The following NME9 variants were observed in gnomAD, a reference collection of about 807,000 sequenced individuals.
NME9 encodes the protein thioredoxin domain-containing protein 6.
A neutral mutation model predicts 44.4 loss-of-function variants in NME9; 48 were observed. The ratio of observed to expected loss-of-function variants is 1.08; its 90% CI spans 0.86 to 1.37. The LOEUF is 1.37. NME9 is among the 40% of genes most tolerant of loss of function. The probability of loss-of-function intolerance (pLI) is 0.00; values close to 1 mark genes in which losing one functional copy is unlikely to be tolerated. For synonymous variants in NME9, 139 were observed against 147.1 expected (o/e 0.94, Z 0.40); for missense variants, 325 against 405.2 (o/e 0.80, Z 1.70).
intron 6 of NME9, among the ~76,000 whole-genome samples, chr3:138,310,703 T>C (rs1021640404): frequency 2.0e-5 from 3 of 152,158 alleles, no homozygotes; most frequent in Non-Finnish European, 4.4e-5. Context: ...AAATTTTTAA[T>C]TTCTTGAAAC....
chr3:138,316,654 G>T (rs1011563164), intron 4 of NME9, among the ~76,000 whole-genome samples: 4 of 151,948 alleles, frequency 2.6e-5, no homozygotes, highest in Admixed American at 6.6e-5. Context: ...CACTCTTGTT[G>T]CCCAGGCTGG....
At chr3:138,285,062 C>T (rs539153282) in intron 8 of NME9, among the ~76,000 whole-genome samples, 87 of 152,322 alleles carry the variant, frequency 5.7e-4, no homozygotes, top group Non-Finnish European at 7.3e-5. Flanking sequence ...GAGGAAGCCT[C>T]CCCTTGTCAC....
rs1285145918 is a variant in NME9 at position 138,329,330 on chromosome 3, G to C, written c.6C>G (p.Gly2=). 1 of 1,535,982 alleles carries C rather than the reference G, an allele frequency of 6.5e-7. No individual in the cohort carries two copies. The highest frequency in any genetic ancestry group is 8.7e-7 in the Non-Finnish European group (1 of 1,146,906). The change falls in exon 1 of 11, where the codon GGC becomes GGG. Residue 2 remains glycine, a synonymous_variant. Transcript: ENST00000333911. ...GCAGGGCAATTTCCTTCTTCCTGCT[G>C]CCCATGGCTCTGCAAAGAAGACGAA... M[G]SRKKEIALQV...
Position 138,306,397 on chromosome 3 carries a change from C to A in NME9, c.543+1G>T, listed in dbSNP as rs774072461. 4 of 1,605,714 alleles carry A rather than the reference C, an allele frequency of 2.5e-6. No individual in the cohort carries two copies. The highest frequency in any genetic ancestry group is 3.4e-6 in the Non-Finnish European group (4 of 1,172,398). Reference sequence around the variant, plus strand: ...TGCATGGTAAGTGTTGTCTCTCTTACCTTCATGATAATCTCATCAGTCTTT... The same window carrying A: ...TGCATGGTAAGTGTTGTCTCTCTTAACTTCATGATAATCTCATCAGTCTTT... On this transcript the variant is annotated splice_donor_variant, in intron 7 of 10. Coordinates refer to ENST00000333911, the MANE Select transcript of NME9 (RefSeq NM_001349018.2). LOFTEE classifies it high-confidence loss of function.
chr3:138,287,601 G>A, intron 8 of NME9: 1 of 456,212 alleles, frequency 2.2e-6, no homozygotes, highest in Non-Finnish European at 4.4e-6. Context: ...GAGGCTGGGA[G>A]CAGATAAGTT....
chr3:138,265,039 A>T (rs971030882), intron 8 of NME9, among the ~76,000 whole-genome samples: 1 of 151,766 alleles, frequency 6.6e-6, no homozygotes, highest in Non-Finnish European at 1.5e-5. Context: ...CTGGGACTAC[A>T]GGTATGTGCC....
chr3:138,269,686 G>A (rs2048597065), intron 8 of NME9, among the ~76,000 whole-genome samples: 1 of 152,172 alleles, frequency 6.6e-6, no homozygotes, highest in African/African-American at 2.4e-5. Flanking sequence ...CTCAGCGAAA[G>A]ATGAGAGTGG....
downstream of NME9, among the ~76,000 whole-genome samples, chr3:138,300,256 A>C (rs1012733502): frequency 6.6e-6 from 1 of 152,206 alleles, no homozygotes; most frequent in African/African-American, 2.4e-5. Flanking sequence ...AGTAGGGCCT[A>C]CTGAAGGTCA....
intron 8 of NME9, among the ~76,000 whole-genome samples, chr3:138,271,678 T>G (rs1433885430): frequency 5.3e-5 from 8 of 152,250 alleles, no homozygotes; most frequent in Non-Finnish European, 1.5e-5. Context: ...TGCTCTGCCA[T>G]GCTGCCTCAC....
chr3:138,315,741 C>T, intron 4 of NME9, 98 bp from the exon 5 acceptor site: 3 of 924,506 alleles, frequency 3.2e-6, no homozygotes, highest in Non-Finnish European at 5.0e-6. Flanking sequence ...AGTTCAAGGT[C>T]CCTCAACCCC....
At chr3:138,302,275 A>C (rs552114053) in intron 10 of NME9, among the ~76,000 whole-genome samples, 2 of 152,176 alleles carry the variant, frequency 1.3e-5, no homozygotes, top group South Asian at 4.1e-4. Context: ...TATTCCCAGG[A>C]TGTGGTCTGC....
rs1380357076 is a variant in NME9 at position 138,314,336 on chromosome 3, G to T, written c.456C>A (p.Asp152Glu). The change falls in exon 6 of 11, where the codon GAC becomes GAA. Residue 152 changes from aspartate to glutamate, a missense_variant. Coordinates refer to ENST00000333911, the MANE Select transcript of NME9 (RefSeq NM_001349018.2). ...GCTCATTGGTTCTGCACTCACCCAT[G>T]TCCTCATCTTCACCATTATTCTTTC... Reference protein sequence around the residue: ...SHGKNNGEDEDMVSSERTCTL... With the variant: ...SHGKNNGEDEEMVSSERTCTL... 4.4e-6 allele frequency: 7 copies of T among 1,596,870 alleles called. No individual in the cohort carries two copies. The highest frequency in any genetic ancestry group is 6.0e-6 in the Non-Finnish European group (7 of 1,165,868).
Position 138,319,510 on chromosome 3 carries a change from C to T in NME9, c.163G>A (p.Glu55Lys), listed in dbSNP as rs1018537284. 9.3e-6 allele frequency: 15 copies of T among 1,612,518 alleles called. No homozygotes were observed. The African/African-American group carries it at 9.4e-5, about 10-fold the overall frequency. The change falls in exon 3 of 11, where the codon GAG becomes AAG. Residue 55 changes from glutamate to lysine, a missense_variant. Transcript: ENST00000333911. ...AAGTGCAGAAGGTCCAGGCCGACCT[C>T]GATCCTCATCTTCTGGAAGAGGCTC... ...VVSLFQKMRI[E>K]VGLDLLHFAL...
intron 8 of NME9, among the ~76,000 whole-genome samples, chr3:138,276,505 T>G (rs1028825775): frequency 6.6e-6 from 1 of 152,042 alleles, no homozygotes; most frequent in African/African-American, 2.4e-5. Flanking sequence ...GTATACAGAT[T>G]GGAAAGGACA....
At chr3:138,294,086 C>G (rs2051243923) in intron 8 of NME9, among the ~76,000 whole-genome samples, 1 of 152,152 alleles carries the variant, frequency 6.6e-6, no homozygotes, top group African/African-American at 2.4e-5. Flanking sequence ...ATAATCAAAC[C>G]TAGCCAACCT....
At chr3:138,308,359 C>T (rs979080539) in intron 6 of NME9, among the ~76,000 whole-genome samples, 2 of 152,122 alleles carry the variant, frequency 1.3e-5, no homozygotes, top group African/African-American at 4.8e-5. Context: ...TTCTGGTTTT[C>T]CCTCATGTCT....
chr3:138,319,492 G>T lies in NME9; in HGVS notation c.181C>A (p.Leu61Met), dbSNP rs1170093802. 2 of 1,602,200 alleles carry T rather than the reference G, an allele frequency of 1.2e-6. No individual in the cohort carries two copies. The highest frequency in any genetic ancestry group is 2.7e-5 in the African/African-American group (2 of 74,678). The change falls in exon 3 of 11, where the codon CTG (leucine) becomes ATG (methionine). Residue 61 changes from leucine (L) to methionine (M), a missense_variant. By Grantham distance (15) the Leu-to-Met change is conservative (BLOSUM62 2). Transcript: ENST00000333911. ...GAGAATCTTACTAATGCAAAGTGCA[G>T]AAGGTCCAGGCCGACCTCGATCCTC... is the stretch of plus-strand genomic sequence containing the variant. ...KMRIEVGLDL[L>M]HFALAEADRL...
At position 138,304,888 on chromosome 3, in the gene NME9, C is replaced by A; in HGVS notation, c.776G>T (p.Arg259Met). The stretch of plus-strand genomic sequence containing the variant: ...GTGACATCACCTTTCTGGCTGCTCC[C>A]TCCTGGCCACATTGGGGTCACGGGG... ...MGPRDPNVAR[R>M]EQPESLRAQY... The change falls in exon 9 of 11, where the codon AGG becomes ATG. Residue 259 changes from arginine to methionine, a missense_variant. By Grantham distance (91) the Arg-to-Met change is moderately conservative (BLOSUM62 -1). Transcript: ENST00000333911. 1 of 1,614,126 alleles carries A rather than the reference C, an allele frequency of 6.2e-7. No individual in the cohort carries two copies. Among genetic ancestry groups the A allele is most frequent in the Admixed American group, 1.7e-5 (1 of 60,022 alleles).
intron 8 of NME9, among the ~76,000 whole-genome samples, chr3:138,292,979 A>G (rs2051114708): frequency 1.3e-5 from 2 of 152,158 alleles, no homozygotes; most frequent in Admixed American, 1.3e-4. Flanking sequence ...TTATCCTTCA[A>G]AACTCATATC....
Sources: allele counts gnomAD v4.1 joint callset (sites outside exome capture counted in the v4.1 genomes callset), GRCh38; gene constraint gnomAD v4.1.1; transcripts MANE v1.5; gene names NCBI Gene and HGNC (gene_info 2026-07-23, HGNC 2026-07-21).